XNDC1N: variants seen among roughly 807,000 people sequenced by gnomAD.
The protein encoded by XNDC1N is protein XNDC1N.
At chr11:71,905,128 G>A in the XNDC1N span, among the ~76,000 whole-genome samples, 1 of 151,936 alleles carries the variant, frequency 6.6e-6, no homozygotes, top group Non-Finnish European at 1.5e-5. Flanking sequence ...TAATATCACA[G>A]GAGGTGTTCA....
the XNDC1N span, among the ~76,000 whole-genome samples, chr11:71,893,141 G>C: frequency 6.6e-6 from 1 of 152,268 alleles, no homozygotes; most frequent in East Asian, 1.9e-4. Flanking sequence ...GAAGGACACT[G>C]TCATTGCATT....
chr11:71,904,754 T>C, the XNDC1N span, among the ~76,000 whole-genome samples: 1 of 151,992 alleles, frequency 6.6e-6, no homozygotes, highest in South Asian at 2.1e-4. Flanking sequence ...AGGAGTAATA[T>C]TCCCCTAGGA....
the XNDC1N span, among the ~76,000 whole-genome samples, chr11:71,914,856 G>A: frequency 3.9e-5 from 6 of 152,166 alleles, no homozygotes; most frequent in African/African-American, 1.4e-4. Flanking sequence ...TGAAGATGCT[G>A]CAAACATTAT....
the XNDC1N span, among the ~76,000 whole-genome samples, chr11:71,886,097 C>G: frequency 8.6e-5 from 13 of 151,968 alleles, no homozygotes; most frequent in East Asian, 1.4e-3. Flanking sequence ...AGAGAGCAGC[C>G]GTAGACTGGG....
the XNDC1N span, among the ~76,000 whole-genome samples, chr11:71,880,869 A>G: frequency 1.3e-5 from 2 of 152,186 alleles, no homozygotes; most frequent in Non-Finnish European, 2.9e-5. Context: ...ATTTTTGTCT[A>G]GAATATACTT....
the XNDC1N span, among the ~76,000 whole-genome samples, chr11:71,913,497 A>AGG: frequency 6.6e-6 from 1 of 151,848 alleles, no homozygotes; most frequent in Non-Finnish European, 1.5e-5. Flanking sequence ...CATCTCTACT[A>AGG]CTAATACAAA....
At chr11:71,879,512 C>T in the XNDC1N span, among the ~76,000 whole-genome samples, 1 of 152,196 alleles carries the variant, frequency 6.6e-6, no homozygotes, top group African/African-American at 2.4e-5. Flanking sequence ...TTCAAGATTC[C>T]CTCATTTATA....
the XNDC1N span, among the ~76,000 whole-genome samples, chr11:71,874,844 T>G: frequency 4.6e-5 from 7 of 152,226 alleles, no homozygotes; most frequent in Non-Finnish European, 1.0e-4. Flanking sequence ...ATTTTCTATC[T>G]TTTTCTCTTA....
chr11:71,892,615 G>A, the XNDC1N span, among the ~76,000 whole-genome samples: 1 of 152,126 alleles, frequency 6.6e-6, no homozygotes, highest in Admixed American at 6.5e-5. Flanking sequence ...CTGCCTTCCA[G>A]GTTCTAAGGG....
the XNDC1N span, among the ~76,000 whole-genome samples, chr11:71,892,088 CT>C: frequency 1.3e-5 from 2 of 152,012 alleles, no homozygotes; most frequent in Non-Finnish European, 2.9e-5. Context: ...CAATATCATC[CT>C]CTCCCCCGCT....
the XNDC1N span, among the ~76,000 whole-genome samples, chr11:71,881,650 CT>C: frequency 6.6e-6 from 1 of 151,712 alleles, no homozygotes; most frequent in Admixed American, 6.6e-5. Flanking sequence ...AAAAAAAAAT[CT>C]TCAAATATGA....
the XNDC1N span, among the ~76,000 whole-genome samples, chr11:71,915,170 C>T: frequency 3.9e-5 from 6 of 152,114 alleles, no homozygotes; most frequent in Admixed American, 6.5e-5. Context: ...ACTCGCTGGC[C>T]GGGCACGGTG....
the XNDC1N span, among the ~76,000 whole-genome samples, chr11:71,869,387 T>G: frequency 6.6e-6 from 1 of 152,204 alleles, no homozygotes; most frequent in Admixed American, 6.5e-5. Flanking sequence ...GGAATCATCC[T>G]TTTCTTATGG....
At chr11:71,927,168 A>C in the XNDC1N span, among the ~76,000 whole-genome samples, 1 of 152,022 alleles carries the variant, frequency 6.6e-6, no homozygotes, top group Non-Finnish European at 1.5e-5. Context: ...GAATTGCTTG[A>C]GCCTGGGAGA....
the XNDC1N span, among the ~76,000 whole-genome samples, chr11:71,872,696 A>G: frequency 6.6e-6 from 1 of 152,070 alleles, no homozygotes; most frequent in African/African-American, 2.4e-5. Context: ...CCACTGCACT[A>G]TAGCCTGGGT....
the XNDC1N span, chr11:71,904,229 C>A: frequency 2.6e-6 from 1 of 383,086 alleles, no homozygotes; most frequent in African/African-American, 2.1e-5. Context: ...TGTGTCATTA[C>A]GAGTAATACC....
At chr11:71,893,163 GAA>G in the XNDC1N span, among the ~76,000 whole-genome samples, 4,212 of 152,182 alleles carry the variant, frequency 0.028, 26 homozygotes, top group East Asian at 0.078. Context: ...TATTTTTTCT[GAA>G]AAGAGTAGGC....
At chr11:71,928,168 G>A in the XNDC1N span, 3 of 440,546 alleles carry the variant, frequency 6.8e-6, no homozygotes, top group Non-Finnish European at 1.2e-5. Flanking sequence ...GAACTGGCAT[G>A]ACAGCCTAAG....
the XNDC1N span, among the ~76,000 whole-genome samples, chr11:71,899,951 A>G: frequency 3.2e-4 from 48 of 152,362 alleles, no homozygotes; most frequent in African/African-American, 1.2e-3. Flanking sequence ...AGATGGGGGA[A>G]AAACCGCCCT....
Sources: gnomAD v4.1 joint callset for allele counts (sites outside exome capture counted in the v4.1 genomes callset) on GRCh38, gnomAD v4.1.1 for gene constraint, MANE v1.5 for transcripts, NCBI Gene and HGNC (gene_info 2026-07-23, HGNC 2026-07-21) for gene names.